Variants in IFTAP observed in about 807,000 individuals in gnomAD.
The protein encoded by IFTAP is intraflagellar transport associated protein.
Under a neutral mutation model 19.4 loss-of-function variants are expected in IFTAP, and 19 were observed. The observed-to-expected ratio is 0.98, with a 90% CI of 0.68 to 1.44. The LOEUF (loss-of-function observed/expected upper bound fraction) is 1.44. Ranked by LOEUF, IFTAP falls within the 40% of genes most tolerant of loss-of-function variation. The pLI, the probability that IFTAP is intolerant of heterozygous loss-of-function variation, is 0.00. For missense variants in IFTAP, 240 were observed against 253.6 expected, an observed-to-expected ratio of 0.95 and a Z score of 0.36; for synonymous variants, 85 against 83.5, an observed-to-expected ratio of 1.02 and a Z score of -0.10.
chr11:36,621,078 C>G (rs1366681533), intron 2 of IFTAP, among the ~76,000 whole-genome samples: 6 of 151,794 alleles, frequency 4.0e-5, no homozygotes, highest in Admixed American at 3.9e-4. Flanking sequence ...TAAGTGGGTG[C>G]ATATTTGTTT....
intron 5 of IFTAP, among the ~76,000 whole-genome samples, chr11:36,658,102 GATC>G (rs1854074297): frequency 6.6e-6 from 1 of 152,124 alleles, no homozygotes; most frequent in Non-Finnish European, 1.5e-5. Flanking sequence ...CACTCAATGA[GATC>G]ATCTTCCATG....
rs1590243464 is a variant in IFTAP at position 36,659,039 on chromosome 11, A to T, written c.519A>T (p.Gln173His). ...TATAGATACTTGGAGATGAAGTTCAACTTTTTTCACTTGATGAAGAATTTG... is the reference window on the plus strand; with the variant it reads ...TATAGATACTTGGAGATGAAGTTCATCTTTTTTCACTTGATGAAGAATTTG... The part of the protein sequence containing the change: ...QTEEILGDEV[Q>H]LFSLDEEFDY... Residue 173 changes from glutamine (Q) to histidine (H), a missense_variant, in exon 6 of 6, where the codon CAA becomes CAT. Gln to His is a conservative substitution (Grantham distance 24). Transcript: ENST00000334307. 6.2e-7 allele frequency: 1 copy of T among 1,600,660 alleles called. No homozygotes were observed. Among genetic ancestry groups the T allele is most frequent in the Non-Finnish European group, 8.5e-7 (1 of 1,173,932 alleles).
intron 2 of IFTAP, among the ~76,000 whole-genome samples, chr11:36,620,902 T>C (rs1236302924): frequency 6.6e-6 from 1 of 151,648 alleles, no homozygotes; most frequent in Non-Finnish European, 1.5e-5. Flanking sequence ...ATCTTTTCAA[T>C]TTATTTATAT....
At chr11:36,654,679 A>G (rs2133545029) in intron 5 of IFTAP, among the ~76,000 whole-genome samples, 1 of 152,152 alleles carries the variant, frequency 6.6e-6, no homozygotes, top group East Asian at 1.9e-4. Flanking sequence ...CAATTCATCT[A>G]GATTCCTTCA....
intron 4 of IFTAP, among the ~76,000 whole-genome samples, chr11:36,644,897 T>C (rs1853413951): frequency 6.6e-6 from 1 of 151,430 alleles, no homozygotes; most frequent in Admixed American, 6.6e-5. Flanking sequence ...ATACCTAATG[T>C]AAATGATAGG....
chr11:36,649,496 C>G (rs1590234251), intron 5 of IFTAP, among the ~76,000 whole-genome samples: 1 of 151,970 alleles, frequency 6.6e-6, no homozygotes, highest in African/African-American at 2.4e-5. Flanking sequence ...ATTGGACCAG[C>G]CAGTAGACAT....
In IFTAP at chr11:36,646,457, C is replaced by T. The variant is rs1289621887; in HGVS notation, c.359-1559C>T. The stretch of plus-strand genomic sequence containing the variant: ...ATAGGTGCATTAGAAAACCAGTCTT[C>T]CCACCAACCTCATTGAATTTTAAAA... On this transcript the variant is annotated intron_variant, in intron 4 of 5. Transcript: ENST00000334307. Among the ~76,000 whole-genome samples the T allele has an allele frequency of 2.6e-5, 4 of 152,258 alleles. No individual in the cohort carries two copies. The South Asian group carries it at 8.3e-4, about 32-fold the overall frequency.
intron 1 of IFTAP, among the ~76,000 whole-genome samples, chr11:36,596,438 A>G (rs1851258716): frequency 6.6e-6 from 1 of 152,136 alleles, no homozygotes; most frequent in South Asian, 2.1e-4. Context: ...CCTCAGTTGT[A>G]TATTCAGCAA....
At chr11:36,632,161 G>A (rs1379529832) in intron 2 of IFTAP, among the ~76,000 whole-genome samples, 1 of 151,072 alleles carries the variant, frequency 6.6e-6, no homozygotes, top group Non-Finnish European at 1.5e-5. Flanking sequence ...GTAAAGTAAG[G>A]ATAGTAACAG....
chr11:36,629,541 T>C (rs1852649441), intron 2 of IFTAP, among the ~76,000 whole-genome samples: 1 of 151,472 alleles, frequency 6.6e-6, no homozygotes, highest in African/African-American at 2.5e-5. Flanking sequence ...TCTCATTGCA[T>C]GGGCACTAGT....
rs189287740 is a variant in IFTAP, at chr11:36,603,954, T to C, written c.-23-6127T>C. 7.9e-5 allele frequency among the ~76,000 whole-genome samples: 12 copies of C among 152,110 alleles called. No individual in the cohort carries two copies. The East Asian group carries it at 2.1e-3, about 27-fold the overall frequency. ...AAAAAAAAAGTCAATATGTAAATTA[T>C]AAGTCTCTTTAGGGAAGGACCTAGA... On this transcript the variant is annotated intron_variant, in intron 1 of 5. Transcript: ENST00000334307.
At chr11:36,634,467 G>T (rs1425091507) in intron 3 of IFTAP, among the ~76,000 whole-genome samples, 1 of 152,072 alleles carries the variant, frequency 6.6e-6, no homozygotes, top group African/African-American at 2.4e-5. Context: ...CTCCGCTATG[G>T]CTTACTGAAT....
chr11:36,619,266 T>C (rs534013705), intron 2 of IFTAP, among the ~76,000 whole-genome samples: 1 of 152,098 alleles, frequency 6.6e-6, no homozygotes, highest in East Asian at 1.9e-4. Flanking sequence ...TTCTAAAAAA[T>C]GTAATTAAAA....
intron 1 of IFTAP, among the ~76,000 whole-genome samples, chr11:36,604,143 G>A (rs563608001): frequency 9.0e-4 from 137 of 152,094 alleles, no homozygotes; most frequent in Non-Finnish European, 1.8e-3. Context: ...TATTACTGCT[G>A]CATGGAACGC....
intron 1 of IFTAP, among the ~76,000 whole-genome samples, chr11:36,605,691 A>C (rs1275572325): frequency 6.6e-6 from 1 of 152,156 alleles, no homozygotes; most frequent in African/African-American, 2.4e-5. Flanking sequence ...TAGTCCATGG[A>C]GCAGTGCATG....
At chr11:36,654,528 C>A (rs1469855146) in intron 5 of IFTAP, among the ~76,000 whole-genome samples, 1 of 152,056 alleles carries the variant, frequency 6.6e-6, no homozygotes, top group Non-Finnish European at 1.5e-5. Flanking sequence ...TTCTCTCCAT[C>A]CATCCCTTAT....
chr11:36,652,976 T>G (rs181905939), intron 5 of IFTAP, among the ~76,000 whole-genome samples: 1 of 152,214 alleles, frequency 6.6e-6, no homozygotes, highest in East Asian at 1.9e-4. Context: ...ATTAGGAGGA[T>G]GAAAATTTGT....
intron 5 of IFTAP, among the ~76,000 whole-genome samples, chr11:36,653,331 A>C (rs767320724): frequency 1.3e-4 from 20 of 152,172 alleles, no homozygotes; most frequent in Non-Finnish European, 2.5e-4. Context: ...CTGAGAGGCT[A>C]CAAAAAAGTT....
intron 2 of IFTAP, among the ~76,000 whole-genome samples, chr11:36,629,100 G>T (rs1210952630): frequency 6.6e-6 from 1 of 151,332 alleles, no homozygotes; most frequent in Middle Eastern, 3.2e-3. Flanking sequence ...TATCGCTCCA[G>T]GGGAGGCCAG....
Sources: gnomAD v4.1 joint callset for allele counts (sites outside exome capture counted in the v4.1 genomes callset) on GRCh38, gnomAD v4.1.1 for gene constraint, MANE v1.5 for transcripts, NCBI Gene and HGNC (gene_info 2026-07-23, HGNC 2026-07-21) for gene names.